The following PRSS33 variants were observed in gnomAD, a reference collection of about 807,000 sequenced individuals.
PRSS33 encodes serine protease 33.
In PRSS33, 32 loss-of-function variants were observed where a neutral mutation model predicts 26.7. The ratio of observed to expected loss-of-function variants is 1.20; its 90% CI spans 0.90 to 1.61. PRSS33 has a LOEUF of 1.61. Among genes scored for constraint, PRSS33 ranks in the 40% most tolerant of loss-of-function variants. The pLI is 0.00. For missense variants in PRSS33, 450 were observed against 396.3 expected (o/e 1.14, Z -1.15); for synonymous variants, 192 against 177.6 (o/e 1.08, Z -0.64).
intron 2 of PRSS33, 129 bp from the exon 3 acceptor site, chr16:2,786,250 C>A: frequency 1.0e-6 from 1 of 964,660 alleles, no homozygotes; most frequent in South Asian, 1.4e-5. Flanking sequence ...GCTTTCGTGC[C>A]GTCTGTTATC....
intron 5 of PRSS33, 50 bp from the exon 6 acceptor site, chr16:2,785,221 G>C (rs1047716068): frequency 6.7e-7 from 1 of 1,493,224 alleles, no homozygotes; most frequent in African/African-American, 1.4e-5. Context: ...GCGGGGGCCA[G>C]TGGGAGAAGC....
chr16:2,785,703 C>T lies in PRSS33; in HGVS notation c.243-57G>A, dbSNP rs547723997. Reference sequence around the variant, plus strand: ...CACCGGGTCCTCGACCCCCTCCAGCCCGCCTCGACCCCAACGCCTCTGCCA... The same window carrying T: ...CACCGGGTCCTCGACCCCCTCCAGCTCGCCTCGACCCCAACGCCTCTGCCA... On this transcript the variant is annotated intron_variant, in intron 4 of 6. Transcript: ENST00000682474. The T allele has an allele frequency of 5.5e-5, 81 of 1,468,724 alleles. No homozygotes were observed. The African/African-American group carries it at 1.0e-3, about 19-fold the overall frequency. 91.0% of individuals were successfully genotyped at this position (1,468,724 alleles called of 1,614,324 possible).
chr16:2,785,161 T>C lies in PRSS33; in HGVS notation c.525A>G (p.Pro175=). 6.5e-7 allele frequency: 1 copy of C among 1,538,812 alleles called. No individual in the cohort carries two copies. Among genetic ancestry groups the C allele is most frequent in the Non-Finnish European group, 8.7e-7 (1 of 1,145,794 alleles). ...WGSLRPGVPL[P]EWRPLQGVRV... is the part of the protein sequence containing the mutation. ...TTACTCCTTGTAGCGGTCGCCACTC[T>C]GGGAGGGGCACTGGGGGAAGAGGAG... The change falls in exon 6 of 7, where the codon CCA becomes CCG. Residue 175 remains proline (P), a synonymous_variant. Transcript: ENST00000682474.
intron 4 of PRSS33, 71 bp downstream of exon 4, chr16:2,785,728 A>G: frequency 1.3e-6 from 2 of 1,485,286 alleles, no homozygotes; most frequent in East Asian, 2.4e-5. Context: ...CGCCTCTGCC[A>G]GGCCACGCCC....
intron 2 of PRSS33, 94 bp from the exon 3 acceptor site, chr16:2,786,215 C>A: frequency 8.6e-7 from 1 of 1,156,854 alleles, no homozygotes; most frequent in Non-Finnish European, 1.3e-6. Context: ...GAGGGTGAAA[C>A]AATGTTGCCC....
chr16:2,787,605 G>A (rs561020542), upstream of PRSS33, among the ~76,000 whole-genome samples: 10 of 150,496 alleles, frequency 6.6e-5, no homozygotes, highest in South Asian at 2.1e-4. Context: ...AGGAGAGCGC[G>A]AGGCTCAGCC....
In PRSS33 at chr16:2,785,106, C is replaced by G. The variant is rs970548683; in HGVS notation, c.580G>C (p.Asp194His). Residue 194 changes from aspartate (D) to histidine (H), a missense_variant, in exon 6 of 7, where the codon GAC becomes CAC. Physicochemically the swap from Asp to His is moderately conservative, Grantham distance 81. Transcript: ENST00000682474. Reference sequence around the variant, plus strand: ...TCCGCGCCCACGTGGTAGAGGCCGTCGCAGGTGCGCGAGTCCAGCAGCGGC... The same window carrying G: ...TCCGCGCCCACGTGGTAGAGGCCGTGGCAGGTGCGCGAGTCCAGCAGCGGC... ...RVPLLDSRTC[D>H]GLYHVGADVP... The G allele has an allele frequency of 3.2e-6, 5 of 1,549,788 alleles. No individual in the cohort carries two copies. In the African/African-American group the frequency reaches 5.4e-5, roughly 17 times the overall value.
chr16:2,785,212 C>A, intron 5 of PRSS33, 41 bp from the exon 6 acceptor site: 3 of 1,505,816 alleles, frequency 2.0e-6, no homozygotes, highest in Non-Finnish European at 1.8e-6. Flanking sequence ...AGGCGTGGAG[C>A]GGGGGCCAGT....
chr16:2,785,702 C>T (rs2068865798), intron 4 of PRSS33, 56 bp from the exon 5 acceptor site: 2 of 1,467,916 alleles, frequency 1.4e-6, no homozygotes, highest in Admixed American at 2.5e-5. Flanking sequence ...CCCCCTCCAG[C>T]CCGCCTCGAC....
chr16:2,785,994 T>C (rs1194777907), intron 3 of PRSS33, 33 bp from the exon 4 acceptor site: 2 of 1,612,892 alleles, frequency 1.2e-6, no homozygotes, highest in African/African-American at 1.3e-5. Context: ...GAGGGTTGGC[T>C]GAGGACCTGG....
chr16:2,785,589 G>C lies in PRSS33; in HGVS notation c.300C>G (p.Thr100=). The change falls in exon 5 of 7, where the codon ACC becomes ACG. Residue 100 remains threonine (T), a synonymous_variant. Transcript: ENST00000682474. ...VRLGALRLGS[T]SPRTLSVPVR... is the part of the protein sequence containing the mutation. ...CGGGCACCGAGAGCGTGCGGGGCGA[G>C]GTGGAGCCCAGACGCAGCGCCCCCA... 2.0e-6 allele frequency: 3 copies of C among 1,521,706 alleles called. No individual in the cohort carries two copies. Among genetic ancestry groups the C allele is most frequent in the Non-Finnish European group, 2.6e-6 (3 of 1,141,786 alleles). The allele number at this position is 1,521,706 out of a possible 1,614,324, so 94.3% of individuals were successfully genotyped here.
intron 1 of PRSS33, among the ~76,000 whole-genome samples, chr16:2,787,060 G>A (rs1218264294): frequency 4.8e-5 from 1 of 20,674 alleles, no homozygotes; most frequent in Admixed American, 6.4e-4. Flanking sequence ...GTCCTCCATC[G>A]TCACCCCTGC....
chr16:2,785,726 C>A (rs745617347), intron 4 of PRSS33, 73 bp downstream of exon 4: 11 of 1,482,794 alleles, frequency 7.4e-6, no homozygotes, highest in African/African-American at 1.4e-5. Context: ...AACGCCTCTG[C>A]CAGGCCACGC....
In PRSS33 at chr16:2,785,817, G is replaced by C. The variant is rs745956582; in HGVS notation, c.224C>G (p.Ala75Gly). ...SLIAPQWVLT[A>G]AHCFPRRALP... ...CGCTGACCTGGGGAAGCAGTGCGCC[G>C]CTGTCAGCACCCACTGGGGGGCGAT... Residue 75 changes from alanine to glycine, a missense_variant, in exon 4 of 7, where the codon GCG (alanine) becomes GGG (glycine). Physicochemically the swap from Ala to Gly is moderately conservative, Grantham distance 60. Coordinates refer to ENST00000682474, the MANE Select transcript of PRSS33 (RefSeq NM_152891.3). 1 of 1,601,342 alleles carries C rather than the reference G, an allele frequency of 6.2e-7. No homozygotes were observed. Among genetic ancestry groups the C allele is most frequent in the South Asian group, 1.1e-5 (1 of 90,618 alleles).
rs1292020336 is a variant in PRSS33 at position 2,787,524 on chromosome 16, T to C, written c.-58+9A>G. Reference sequence around the variant, plus strand: ...CCTGCAGCCCCCACAGCCCCTGGCTTGCTCTCACCCTCACAGCCTGGCGCC... The same window carrying C: ...CCTGCAGCCCCCACAGCCCCTGGCTCGCTCTCACCCTCACAGCCTGGCGCC... On this transcript the variant is annotated intron_variant, in intron 1 of 6. Transcript: ENST00000682474. Among the ~76,000 whole-genome samples the C allele has an allele frequency of 7.0e-6, 1 of 142,446 alleles. No individual in the cohort carries two copies. Among genetic ancestry groups the C allele is most frequent in the Non-Finnish European group, 1.5e-5 (1 of 66,172 alleles). The allele number at this position is 142,446 out of a possible 152,430, so 93.5% of individuals were successfully genotyped here.
chr16:2,786,052 G>C (rs554084362), intron 3 of PRSS33, 37 bp downstream of exon 3: 1 of 1,612,868 alleles, frequency 6.2e-7, no homozygotes, highest in East Asian at 2.2e-5. Flanking sequence ...CGAGGTCCAG[G>C]AGGGGCTGAC....
At position 2,785,110 on chromosome 16, in the gene PRSS33, GGTGCGCGA is replaced by G; in HGVS notation, c.568_575del (p.Ser190LeufsTer15). The G allele has an allele frequency of 1.9e-6, 3 of 1,549,496 alleles. No individual in the cohort carries two copies. The highest frequency in any genetic ancestry group is 2.6e-6 in the Non-Finnish European group (3 of 1,149,740). ...CGCCCACGTGGTAGAGGCCGTCGCAGGTGCGCGAGTCCAGCAGCGGCACCCTTACTCCT... is the reference window on the plus strand; with the variant it reads ...CGCCCACGTGGTAGAGGCCGTCGCAGGTCCAGCAGCGGCACCCTTACTCCT... On this transcript the variant is annotated frameshift_variant, in exon 6 of 7. Coordinates refer to ENST00000682474, the MANE Select transcript of PRSS33 (RefSeq NM_152891.3). LOFTEE classifies it high-confidence loss of function.
intron 2 of PRSS33, 97 bp downstream of exon 2, chr16:2,786,405 G>C: frequency 6.9e-7 from 1 of 1,439,464 alleles, no homozygotes; most frequent in Non-Finnish European, 9.6e-7. Flanking sequence ...GAAAGCCCAA[G>C]AGTGCTCCAG....
In PRSS33 at chr16:2,785,115, G is replaced by C. The variant is rs781730827; in HGVS notation, c.571C>G (p.Arg191Gly). The C allele has an allele frequency of 1.4e-5, 21 of 1,547,566 alleles. No individual in the cohort carries two copies. Among genetic ancestry groups the C allele is most frequent in the Non-Finnish European group, 1.7e-5 (20 of 1,148,946 alleles). ...ACGTGGTAGAGGCCGTCGCAGGTGC[G>C]CGAGTCCAGCAGCGGCACCCTTACT... The part of the protein sequence containing the change: ...QGVRVPLLDS[R>G]TCDGLYHVGA... Residue 191 changes from arginine (R) to glycine (G), a missense_variant, in exon 6 of 7, where the codon CGC becomes GGC. Coordinates refer to ENST00000682474, the MANE Select transcript of PRSS33 (RefSeq NM_152891.3).
Sources: gnomAD v4.1 joint callset for allele counts (sites outside exome capture counted in the v4.1 genomes callset) on GRCh38, gnomAD v4.1.1 for gene constraint, MANE v1.5 for transcripts, NCBI Gene and HGNC (gene_info 2026-07-23, HGNC 2026-07-21) for gene names.